The following DMD variants were observed in gnomAD, a reference collection of about 807,000 sequenced individuals.
DMD encodes mutant dystrophin.
In DMD, 63 loss-of-function variants were observed where a neutral mutation model predicts 330.1. The observed-to-expected ratio is 0.19, with a 90% CI of 0.16 to 0.24. DMD has a LOEUF of 0.24. DMD is among the 10% of genes least tolerant of loss of function. The probability of loss-of-function intolerance (pLI) is 1.00; values close to 1 mark genes in which losing one functional copy is unlikely to be tolerated. For synonymous variants in DMD, 1,223 were observed against 959.8 expected (o/e 1.27, Z -5.07); for missense variants, 3,344 against 2,684.1 (o/e 1.25, Z -5.43).
chrX:32,934,473 G>T (rs979073494), intron 2 of DMD, among the ~76,000 whole-genome samples: 2 of 110,413 alleles, frequency 1.8e-5, no homozygotes, highest in Non-Finnish European at 3.8e-5. Flanking sequence ...GAACCTAGGG[G>T]TTCAAGCCTG....
chrX:33,045,339 C>CACACACACACACA (rs1336706603), intron 1 of DMD, among the ~76,000 whole-genome samples: 1 of 109,510 alleles, frequency 9.1e-6, no homozygotes, highest in Admixed American at 9.8e-5. Flanking sequence ...CACACACACA[C>CACACACACACACA]AAGTATTTCG....
At chrX:31,632,520 A>G (rs2079186708) in intron 54 of DMD, among the ~76,000 whole-genome samples, 1 of 112,040 alleles carries the variant, frequency 8.9e-6, no homozygotes, top group African/African-American at 3.2e-5. Flanking sequence ...TGGCATTGTT[A>G]TAGAGTAATC....
intron 44 of DMD, among the ~76,000 whole-genome samples, chrX:32,141,047 T>G (rs1795583): frequency 9.1e-6 from 1 of 110,451 alleles, no homozygotes; most frequent in South Asian, 3.8e-4. Flanking sequence ...ATTTGATACA[T>G]TGCTCTGCAT....
chrX:32,927,411 C>A (rs1466375566), intron 2 of DMD, among the ~76,000 whole-genome samples: 1 of 93,166 alleles, frequency 1.1e-5, no homozygotes, highest in Non-Finnish European at 2.1e-5. Flanking sequence ...TCTTGTTGCC[C>A]AGGCTGGAGT....
At chrX:32,016,651 G>T (rs770442880) in intron 44 of DMD, among the ~76,000 whole-genome samples, 1 of 112,073 alleles carries the variant, frequency 8.9e-6, no homozygotes, top group Admixed American at 9.5e-5. Context: ...TGGATCCCTC[G>T]GTATTTCTTC....
At chrX:33,065,534 G>A (rs1569552377) in intron 1 of DMD, among the ~76,000 whole-genome samples, 1 of 112,178 alleles carries the variant, frequency 8.9e-6, no homozygotes, top group Non-Finnish European at 1.9e-5. Context: ...ACATTAGGAT[G>A]AAATTATGAA....
chrX:32,638,729 T>C (rs2059253982), intron 11 of DMD, among the ~76,000 whole-genome samples: 1 of 112,070 alleles, frequency 8.9e-6, no homozygotes, highest in South Asian at 3.7e-4. Context: ...AGATTGGAAT[T>C]ACCTGAATAA....
At chrX:32,708,187 T>A (rs1289789189) in intron 7 of DMD, among the ~76,000 whole-genome samples, 1 of 111,889 alleles carries the variant, frequency 8.9e-6, no homozygotes, top group Non-Finnish European at 1.9e-5. Flanking sequence ...TCTGGTATAT[T>A]TTGGGATTTC....
intron 1 of DMD, among the ~76,000 whole-genome samples, chrX:33,035,221 GT>G (rs2094185031): frequency 9.0e-6 from 1 of 111,092 alleles, no homozygotes; most frequent in Non-Finnish European, 1.9e-5. Context: ...TTTTTTACAT[GT>G]TTATTTAAGA....
chrX:31,611,553 A>C (rs1167757378), intron 55 of DMD, among the ~76,000 whole-genome samples: 1 of 111,928 alleles, frequency 8.9e-6, no homozygotes, highest in Non-Finnish European at 1.9e-5. Context: ...ATTGTGGCAA[A>C]ATATACACAA....
intron 64 of DMD, among the ~76,000 whole-genome samples, chrX:31,218,966 T>C (rs376140052): frequency 9.0e-6 from 1 of 111,311 alleles, no homozygotes; most frequent in Non-Finnish European, 1.9e-5. Context: ...TTCACCTCCA[T>C]GGAAATTCAC....
intron 1 of DMD, among the ~76,000 whole-genome samples, chrX:33,079,895 C>G (rs1338700692): frequency 9.0e-6 from 1 of 110,842 alleles, no homozygotes; most frequent in African/African-American, 3.4e-5. Flanking sequence ...TTTGTCTCTT[C>G]TCTCTCCCCT....
At chrX:31,319,881 T>C (rs139693870) in intron 62 of DMD, among the ~76,000 whole-genome samples, 3 of 112,268 alleles carry the variant, frequency 2.7e-5, no homozygotes, top group Non-Finnish European at 5.6e-5. Context: ...GCATGCAACA[T>C]AAAAAGGTGA....
chrX:31,949,679 A>C, intron 45 of DMD, among the ~76,000 whole-genome samples: 1 of 110,913 alleles, frequency 9.0e-6, no homozygotes, highest in Non-Finnish European at 1.9e-5. Context: ...TTAAATTACT[A>C]ATTCAGTTTC....
chrX:31,581,497 T>C (rs1255868639), intron 55 of DMD, among the ~76,000 whole-genome samples: 1 of 111,907 alleles, frequency 8.9e-6, no homozygotes, highest in Non-Finnish European at 1.9e-5. Flanking sequence ...CAGGTTTTTT[T>C]CTATATTGAC....
intron 62 of DMD, among the ~76,000 whole-genome samples, chrX:31,271,858 T>G (rs146998764): frequency 0.064 from 4,794 of 75,452 alleles, 98 homozygotes; most frequent in Non-Finnish European, 0.091. Flanking sequence ...TTAGGGCAAA[T>G]ATTATAGCAT....
chrX:31,359,120 A>T (rs1344729162), intron 60 of DMD, among the ~76,000 whole-genome samples: 3 of 112,435 alleles, frequency 2.7e-5, no homozygotes, highest in Non-Finnish European at 5.6e-5. Context: ...AAATAAAAAT[A>T]AATAAGAAAA....
intron 60 of DMD, among the ~76,000 whole-genome samples, chrX:31,379,448 A>C (rs2060048346): frequency 9.0e-6 from 1 of 111,549 alleles, no homozygotes; most frequent in Admixed American, 9.5e-5. Flanking sequence ...GTTTGGCAAC[A>C]ACCCTGAGAT....
At chrX:32,824,493 T>C (rs1289115105) in intron 4 of DMD, among the ~76,000 whole-genome samples, 1 of 111,853 alleles carries the variant, frequency 8.9e-6, no homozygotes, top group African/African-American at 3.3e-5. Flanking sequence ...GAAAAAGTCA[T>C]TCTGAAAGGG....
Sources: gnomAD v4.1 joint callset for allele counts (sites outside exome capture counted in the v4.1 genomes callset) on GRCh38, gnomAD v4.1.1 for gene constraint, MANE v1.5 for transcripts, NCBI Gene and HGNC (gene_info 2026-07-23, HGNC 2026-07-21) for gene names.